Variants in GABBR2 observed in about 807,000 individuals in gnomAD.
The protein encoded by GABBR2 is G-protein coupled receptor 51.
GABBR2 carries 23 observed loss-of-function variants against 105.6 expected under a neutral mutation model. That is an observed-to-expected ratio of 0.22 (90% CI 0.16 to 0.31). The LOEUF (loss-of-function observed/expected upper bound fraction) is 0.31. GABBR2 is among the 10% of genes least tolerant of loss of function. GABBR2 has a pLI of 1.00. For synonymous variants in GABBR2, 478 were observed against 499.7 expected, an observed-to-expected ratio of 0.96 and a Z score of 0.58; for missense variants, 734 against 1,245.5, an observed-to-expected ratio of 0.59 and a Z score of 6.18.
chr9:98,677,896 C>T (rs1332344229), intron 1 of GABBR2, among the ~76,000 whole-genome samples: 1 of 152,190 alleles, frequency 6.6e-6, no homozygotes, highest in Non-Finnish European at 1.5e-5. Context: ...ACAGAAATCA[C>T]TCACCCGTAA....
intron 1 of GABBR2, among the ~76,000 whole-genome samples, chr9:98,661,813 T>G (rs573967823): frequency 7.2e-5 from 11 of 152,236 alleles, no homozygotes; most frequent in Admixed American, 7.2e-4. Context: ...TCTCCAGAAA[T>G]TGCCTTGGCC....
chr9:98,406,949 G>T (rs561847836), intron 7 of GABBR2, among the ~76,000 whole-genome samples: 21 of 152,274 alleles, frequency 1.4e-4, no homozygotes, highest in Admixed American at 1.2e-3. Flanking sequence ...CATGCCAAAC[G>T]TAAGTGATAA....
intron 18 of GABBR2, among the ~76,000 whole-genome samples, chr9:98,292,054 C>T (rs546594622): frequency 6.6e-6 from 1 of 152,220 alleles, no homozygotes; most frequent in Admixed American, 6.5e-5. Context: ...GTTGAAAAGG[C>T]TGCTTGCGGC....
intron 1 of GABBR2, among the ~76,000 whole-genome samples, chr9:98,642,642 C>T (rs1306178927): frequency 6.6e-6 from 1 of 152,146 alleles, no homozygotes; most frequent in African/African-American, 2.4e-5. Flanking sequence ...AGTGAGACAT[C>T]ATATTATTTT....
At chr9:98,589,055 C>A (rs1564123571) in intron 1 of GABBR2, among the ~76,000 whole-genome samples, 5 of 152,202 alleles carry the variant, frequency 3.3e-5, no homozygotes, top group African/African-American at 1.2e-4. Flanking sequence ...AGGTCACCCT[C>A]TTCCCAGACC....
At chr9:98,599,481 A>G (rs1829287034) in intron 1 of GABBR2, among the ~76,000 whole-genome samples, 1 of 152,220 alleles carries the variant, frequency 6.6e-6, no homozygotes, top group Non-Finnish European at 1.5e-5. Flanking sequence ...GAGAAAACAA[A>G]ACAAAACCTC....
intron 2 of GABBR2, among the ~76,000 whole-genome samples, chr9:98,574,922 T>C (rs1393533368): frequency 2.0e-5 from 3 of 152,234 alleles, no homozygotes; most frequent in Admixed American, 6.5e-5. Context: ...AGCGTCCATC[T>C]TCAGATCCTT....
chr9:98,514,526 A>G (rs1056319882), intron 3 of GABBR2, among the ~76,000 whole-genome samples: 1 of 151,156 alleles, frequency 6.6e-6, no homozygotes, highest in Non-Finnish European at 1.5e-5. Context: ...GGAAACCACC[A>G]TTCTCAGCAA....
chr9:98,643,466 C>CTGA (rs2131839108), intron 1 of GABBR2, among the ~76,000 whole-genome samples: 1 of 152,360 alleles, frequency 6.6e-6, no homozygotes, highest in African/African-American at 2.4e-5. Flanking sequence ...CTGAAATTCA[C>CTGA]TGATAGAAAG....
rs143315754 is a variant in GABBR2, at chr9:98,407,090, T to C, written c.1237-949A>G. ...AATTTTAATGTCCATGCTACTTCACTGTGGCATGTTGCTCTTGATCGAGAA... is the reference window on the plus strand; with the variant it reads ...AATTTTAATGTCCATGCTACTTCACCGTGGCATGTTGCTCTTGATCGAGAA... On this transcript the variant is annotated intron_variant, in intron 7 of 18. Coordinates refer to ENST00000259455, the MANE Select transcript of GABBR2 (RefSeq NM_005458.8). 3.0e-3 allele frequency among the ~76,000 whole-genome samples: 457 copies of C among 152,386 alleles called. 1 individual carries two copies. The highest frequency in any genetic ancestry group is 0.01 in the African/African-American group (425 of 41,598).
At chr9:98,665,333 A>G (rs1830320396) in intron 1 of GABBR2, among the ~76,000 whole-genome samples, 1 of 152,028 alleles carries the variant, frequency 6.6e-6, no homozygotes, top group Non-Finnish European at 1.5e-5. Context: ...AAAGAGAACT[A>G]ACTATTGCAT....
chr9:98,617,677 G>A (rs983089863), intron 1 of GABBR2, among the ~76,000 whole-genome samples: 1 of 152,116 alleles, frequency 6.6e-6, no homozygotes, highest in Non-Finnish European at 1.5e-5. Context: ...CTCCAGTCAC[G>A]ATCCTGAGAA....
At chr9:98,429,123 TG>T (rs2131568438) in intron 7 of GABBR2, among the ~76,000 whole-genome samples, 2 of 134,010 alleles carry the variant, frequency 1.5e-5, no homozygotes, top group South Asian at 4.4e-4. Context: ...AGGTTTTTGG[TG>T]TGTGTGTGTG....
At chr9:98,455,547 A>G (rs1826311283) in intron 6 of GABBR2, among the ~76,000 whole-genome samples, 2 of 152,210 alleles carry the variant, frequency 1.3e-5, no homozygotes, top group Non-Finnish European at 2.9e-5. Context: ...AAGGTTACAC[A>G]GCCTGTGTGT....
intron 3 of GABBR2, among the ~76,000 whole-genome samples, chr9:98,499,326 A>T (rs1246172490): frequency 6.6e-6 from 1 of 152,216 alleles, no homozygotes; most frequent in East Asian, 1.9e-4. Context: ...AGGTCATCTC[A>T]TCCCTCCCCT....
chr9:98,367,527 T>C (rs1478583685), intron 12 of GABBR2, among the ~76,000 whole-genome samples: 1 of 152,092 alleles, frequency 6.6e-6, no homozygotes, highest in African/African-American at 2.4e-5. Flanking sequence ...TTTGGGAAGA[T>C]GAAAAGGTTT....
In GABBR2 at chr9:98,385,746, A is replaced by G; in HGVS notation, c.1556T>C (p.Met519Thr). ...CCCTCCAAGGATGATAAGGTTGTTC[A>G]TGTATGGACTCGACATCTTTATGAG... ...QKLIKMSSPY[M>T]NNLIILGGML... The change falls in exon 11 of 19, where the codon ATG (methionine) becomes ACG (threonine). Residue 519 changes from methionine to threonine, a missense_variant. This residue lies in a region of GABBR2 where 370 missense variants were observed against 648.9 expected (regional missense o/e 0.57). Transcript: ENST00000259455. The G allele has an allele frequency of 6.2e-7, 1 of 1,610,472 alleles. No homozygotes were observed. The highest frequency in any genetic ancestry group is 8.5e-7 in the Non-Finnish European group (1 of 1,176,642).
intron 13 of GABBR2, among the ~76,000 whole-genome samples, chr9:98,351,964 T>C (rs1203453189): frequency 6.6e-6 from 1 of 152,266 alleles, no homozygotes; most frequent in Non-Finnish European, 1.5e-5. Context: ...ATTTTAGGGA[T>C]TGACTTTCAT....
chr9:98,525,274 C>G (rs1827935936), intron 3 of GABBR2, among the ~76,000 whole-genome samples: 1 of 152,072 alleles, frequency 6.6e-6, no homozygotes, highest in East Asian at 1.9e-4. Flanking sequence ...ATGATCTAAT[C>G]CAGAATATAT....
Sources: gnomAD v4.1 joint callset for allele counts (sites outside exome capture counted in the v4.1 genomes callset) on GRCh38, gnomAD v4.1.1 for gene constraint, gnomAD v4.1.1 regional missense constraint, MANE v1.5 for transcripts, NCBI Gene and HGNC (gene_info 2026-07-23, HGNC 2026-07-21) for gene names.